The following NPSR1 variants were observed in gnomAD, a reference collection of about 807,000 sequenced individuals.
The protein encoded by NPSR1 is neuropeptide S receptor.
NPSR1 carries 48 observed loss-of-function variants against 46.9 expected under a neutral mutation model. The observed-to-expected ratio is 1.02, with a 90% CI of 0.81 to 1.30. The LOEUF (loss-of-function observed/expected upper bound fraction) is 1.30. NPSR1 is among the 50% of genes most tolerant of loss of function. The pLI is 0.00. For synonymous variants in NPSR1, 176 were observed against 168.1 expected, an observed-to-expected ratio of 1.05 and a Z score of -0.36; for missense variants, 450 against 449.5, an observed-to-expected ratio of 1.00 and a Z score of -0.01.
intron 2 of NPSR1, among the ~76,000 whole-genome samples, chr7:34,714,124 G>T (rs1783437346): frequency 6.6e-6 from 1 of 152,236 alleles, no homozygotes; most frequent in Non-Finnish European, 1.5e-5. Flanking sequence ...TGGAAGTCTG[G>T]CAAAGATCGC....
intron 2 of NPSR1, among the ~76,000 whole-genome samples, chr7:34,689,265 T>G (rs1244122655): frequency 6.6e-6 from 1 of 152,136 alleles, no homozygotes; most frequent in African/African-American, 2.4e-5. Flanking sequence ...CTGAACTTTA[T>G]CCATAAGCTT....
At chr7:34,843,348 G>A (rs1012061123) in intron 6 of NPSR1, among the ~76,000 whole-genome samples, 10 of 152,312 alleles carry the variant, frequency 6.6e-5, no homozygotes, top group South Asian at 4.1e-4. Flanking sequence ...CAGAGAGAAC[G>A]TCAAGCCAAA....
At chr7:34,677,119 T>A (rs1192917301) in intron 1 of NPSR1, among the ~76,000 whole-genome samples, 2 of 152,190 alleles carry the variant, frequency 1.3e-5, no homozygotes, top group Non-Finnish European at 2.9e-5. Context: ...TGTTTGTCAC[T>A]CTGAACTTCC....
chr7:34,762,686 AT>A (rs1446532920), intron 2 of NPSR1, among the ~76,000 whole-genome samples: 7 of 152,238 alleles, frequency 4.6e-5, no homozygotes, highest in East Asian at 1.9e-4. Flanking sequence ...GAAGCATTGC[AT>A]ACTCTGAGAT....
chr7:34,802,898 TG>T (rs1266997862), intron 3 of NPSR1, among the ~76,000 whole-genome samples: 1 of 150,306 alleles, frequency 6.7e-6, no homozygotes, highest in Non-Finnish European at 1.5e-5. Context: ...CATCAAAAAG[TG>T]GGCGAAGGAC....
At chr7:34,774,770 A>G (rs528232620) in intron 2 of NPSR1, among the ~76,000 whole-genome samples, 15 of 152,262 alleles carry the variant, frequency 9.9e-5, no homozygotes, top group Admixed American at 6.5e-4. Flanking sequence ...CAGCCCATAC[A>G]TGCTGCAGAG....
rs325467 is a variant in NPSR1 at position 34,812,774 on chromosome 7, G to A, written c.478+911G>A. Among the ~76,000 whole-genome samples, 803 of 152,212 alleles carry A rather than the reference G, an allele frequency of 5.3e-3. 4 individuals carry two copies. Among genetic ancestry groups the A allele is most frequent in the African/African-American group, 0.018 (765 of 41,540 alleles). Reference sequence around the variant, plus strand: ...CTTCCTCCAGATAACTTCGAAAACTGATAAAGAACCTAACAAAAAATCTTG... The same window carrying A: ...CTTCCTCCAGATAACTTCGAAAACTAATAAAGAACCTAACAAAAAATCTTG... On this transcript the variant is annotated intron_variant, in intron 4 of 8. Coordinates refer to ENST00000360581, the MANE Select transcript of NPSR1 (RefSeq NM_207172.2).
At chr7:34,686,535 G>T (rs1276655296) in intron 2 of NPSR1, among the ~76,000 whole-genome samples, 2 of 151,944 alleles carry the variant, frequency 1.3e-5, no homozygotes, top group African/African-American at 4.8e-5. Context: ...ATAAAAATGT[G>T]GTTTGAGTCC....
At chr7:34,724,236 C>T (rs1321656388) in intron 2 of NPSR1, among the ~76,000 whole-genome samples, 2 of 152,142 alleles carry the variant, frequency 1.3e-5, no homozygotes, top group Admixed American at 1.3e-4. Context: ...AACAGTGTAG[C>T]CATATTGCCA....
At chr7:34,798,148 C>G (rs1458720359) in intron 3 of NPSR1, among the ~76,000 whole-genome samples, 1 of 152,098 alleles carries the variant, frequency 6.6e-6, no homozygotes, top group African/African-American at 2.4e-5. Context: ...TCTTAATTGA[C>G]CTATAGATAG....
intron 2 of NPSR1, among the ~76,000 whole-genome samples, chr7:34,696,088 A>AAC: frequency 6.6e-6 from 1 of 151,796 alleles, no homozygotes; most frequent in Non-Finnish European, 1.5e-5. Context: ...TAAAAAAAAA[A>AAC]AAAAAAAAAA....
chr7:34,784,570 G>T (rs1182252291), intron 3 of NPSR1, among the ~76,000 whole-genome samples: 1 of 152,104 alleles, frequency 6.6e-6, no homozygotes, highest in Non-Finnish European at 1.5e-5. Flanking sequence ...TTGATGTGCT[G>T]CTGGATTCGG....
Position 34,703,233 on chromosome 7 carries a change from C to T in NPSR1, c.280+18549C>T, listed in dbSNP as rs35626927. On this transcript the variant is annotated intron_variant, in intron 2 of 8. Coordinates refer to ENST00000360581, the MANE Select transcript of NPSR1 (RefSeq NM_207172.2). ...AATCAGCCAGGCGTGGTGGCGGGCG[C>T]GATGGCAGGCGCCTGTAGTCCCAGC... Among the ~76,000 whole-genome samples the T allele has an allele frequency of 1.4e-3, 208 of 152,188 alleles. 2 individuals are homozygous for T. The South Asian group carries it at 0.015, about 11-fold the overall frequency.
At chr7:34,681,422 A>G (rs183610411) in intron 1 of NPSR1, among the ~76,000 whole-genome samples, 1 of 152,142 alleles carries the variant, frequency 6.6e-6, no homozygotes, top group Non-Finnish European at 1.5e-5. Flanking sequence ...TTCACCCTAC[A>G]TCCATGAACA....
chr7:34,723,239 C>T (rs1037900277), intron 2 of NPSR1: 2 of 152,620 alleles, frequency 1.3e-5, no homozygotes, highest in African/African-American at 4.8e-5. Context: ...AGGCACAGCA[C>T]AGTTACTATT....
At chr7:34,854,860 G>A (rs1384737598), downstream of NPSR1, among the ~76,000 whole-genome samples, 1 of 151,712 alleles carries the variant, frequency 6.6e-6, no homozygotes, top group Non-Finnish European at 1.5e-5. Flanking sequence ...CACACATGAA[G>A]CAGTTACCAA....
chr7:34,772,750 G>C (rs534655658), intron 2 of NPSR1, among the ~76,000 whole-genome samples: 1 of 152,096 alleles, frequency 6.6e-6, no homozygotes, highest in African/African-American at 2.4e-5. Flanking sequence ...TAACATCCCT[G>C]GCCCCATCCA....
At chr7:34,706,173 GA>G (rs2128699151) in intron 2 of NPSR1, among the ~76,000 whole-genome samples, 2 of 149,418 alleles carry the variant, frequency 1.3e-5, no homozygotes, top group South Asian at 4.2e-4. Context: ...TTTTGTTTCT[GA>G]TTTTTTTTTT....
chr7:34,730,725 T>C (rs1784381926), intron 2 of NPSR1, among the ~76,000 whole-genome samples: 1 of 152,226 alleles, frequency 6.6e-6, no homozygotes, highest in Non-Finnish European at 1.5e-5. Flanking sequence ...TCTTCATTTT[T>C]TATTATAGCA....
Sources: allele counts gnomAD v4.1 joint callset (sites outside exome capture counted in the v4.1 genomes callset), GRCh38; gene constraint gnomAD v4.1.1; transcripts MANE v1.5; gene names NCBI Gene and HGNC (gene_info 2026-07-23, HGNC 2026-07-21).